The following ADH6 variants were observed in gnomAD, a reference collection of about 807,000 sequenced individuals.
The protein encoded by ADH6 is alcohol dehydrogenase 6 (class V), also known as alcohol dehydrogenase 6.
ADH6 carries 34 observed loss-of-function variants against 36.5 expected under a neutral mutation model. The ratio of observed to expected loss-of-function variants is 0.93; its 90% CI spans 0.71 to 1.24. The LOEUF (loss-of-function observed/expected upper bound fraction) is 1.24. ADH6 is among the 50% of genes most tolerant of loss of function. The pLI is 0.00. For synonymous variants in ADH6, 161 were observed against 155.5 expected (o/e 1.04, Z -0.26); for missense variants, 440 against 447.0 (o/e 0.98, Z 0.14).
chr4:99,218,695 A>C (rs753429117), intron 1 of ADH6, among the ~76,000 whole-genome samples: 23 of 152,292 alleles, frequency 1.5e-4, no homozygotes, highest in Non-Finnish European at 3.4e-4. Context: ...ATCTGCCTGC[A>C]CACACTTCTC....
rs546063132 is a variant in ADH6, at chr4:99,204,036, C to T, written c.*183G>A. The T allele has an allele frequency of 2.3e-5, 15 of 649,242 alleles. No homozygotes were observed. The highest frequency in any genetic ancestry group is 1.1e-4 in the Admixed American group (3 of 26,214). The allele number at this position is 649,242 out of a possible 1,614,324, so 40.2% of individuals were successfully genotyped here. On this transcript the variant is annotated 3_prime_UTR_variant, in exon 9 of 9. Transcript: ENST00000394899. ...GCTGATCCTTGGTGACACTGGGTTA[C>T]GTAAGAACAATTTTGATGAAATGGT...
intron 2 of ADH6, among the ~76,000 whole-genome samples, chr4:99,215,583 G>C (rs1030147269): frequency 6.6e-6 from 1 of 152,186 alleles, no homozygotes; most frequent in Non-Finnish European, 1.5e-5. Context: ...CTGCACTCAA[G>C]CAATCTTCCT....
chr4:99,209,964 G>T, intron 5 of ADH6, 118 bp downstream of exon 5: 1 of 1,000,468 alleles, frequency 1.0e-6, no homozygotes, highest in Non-Finnish European at 1.5e-6. Context: ...ACTCAAGGAT[G>T]TTTGGAGTCA....
chr4:99,212,024 C>T (rs28720149), intron 3 of ADH6, among the ~76,000 whole-genome samples: 2,697 of 152,220 alleles, frequency 0.018, 33 homozygotes, highest in Non-Finnish European at 0.029. Context: ...CAAGCCCACT[C>T]AGATTTCTGA....
At chr4:99,209,622 T>C in intron 5 of ADH6, among the ~76,000 whole-genome samples, 1 of 152,134 alleles carries the variant, frequency 6.6e-6, no homozygotes, top group East Asian at 1.9e-4. Context: ...CATCACTTGG[T>C]TCCTTTACTC....
At position 99,216,243 on chromosome 4, in the gene ADH6, G is replaced by A; in HGVS notation, c.38C>T (p.Ala13Val). The A allele has an allele frequency of 6.3e-7, 1 of 1,575,716 alleles. No individual in the cohort carries two copies. Among genetic ancestry groups the A allele is most frequent in the Non-Finnish European group, 8.6e-7 (1 of 1,161,740 alleles). ...TTGQVIRCKAAILWKPGAPFS... is the reference protein window; with the variant it reads ...TTGQVIRCKAVILWKPGAPFS... The stretch of plus-strand genomic sequence containing the variant: ...TGGTGCACCAGGCTTCCAGAGTATG[G>A]CTGCTTTGCATCTGATGACCTGGGA... The change falls in exon 2 of 9, where the codon GCC becomes GTC. Residue 13 changes from alanine (A) to valine (V), a missense_variant. Ala to Val is a moderately conservative substitution (Grantham distance 64, BLOSUM62 0). Coordinates refer to ENST00000394899, the MANE Select transcript of ADH6 (RefSeq NM_001102470.2).
intron 7 of ADH6, 57 bp downstream of exon 7, chr4:99,207,389 T>C (rs1195288732): frequency 6.2e-7 from 1 of 1,604,460 alleles, no homozygotes; most frequent in Non-Finnish European, 8.5e-7. Flanking sequence ...GGTACATTTT[T>C]CTATTTCCCA....
chr4:99,214,885 T>A (rs1001168042), intron 2 of ADH6, among the ~76,000 whole-genome samples: 4 of 152,208 alleles, frequency 2.6e-5, no homozygotes, highest in African/African-American at 9.6e-5. Context: ...GTCATTCTCT[T>A]TATCTCTTTA....
intron 3 of ADH6, 47 bp downstream of exon 3, chr4:99,213,559 T>G: frequency 6.5e-7 from 1 of 1,529,126 alleles, no homozygotes; most frequent in South Asian, 1.3e-5. Flanking sequence ...TTTCTCGAGT[T>G]GGTTCCAAGT....
chr4:99,219,030 C>T, intron 1 of ADH6, 105 bp downstream of exon 1: 1 of 1,142,792 alleles, frequency 8.8e-7, no homozygotes, highest in Non-Finnish European at 1.3e-6. Flanking sequence ...CAGCCTCTCA[C>T]CTTTAGGAGC....
rs4147545 is a variant in ADH6, at chr4:99,207,596, T to C, written c.829-15A>G. 0.37 allele frequency: 594,748 copies of C among 1,610,410 alleles called. 120,390 individuals are homozygous for C. Among genetic ancestry groups the C allele is most frequent in the East Asian group, 0.89 (39,798 of 44,798 alleles). Reference sequence around the variant, plus strand: ...AGGGCAGCTGCCTGTTAGAAAGTGATGCAATACAGTATAGGGGTTAAAAGA... The same window carrying C: ...AGGGCAGCTGCCTGTTAGAAAGTGACGCAATACAGTATAGGGGTTAAAAGA... On this transcript the variant is annotated splice_polypyrimidine_tract_variant and intron_variant, in intron 6 of 8. Coordinates refer to ENST00000394899, the MANE Select transcript of ADH6 (RefSeq NM_001102470.2).
intron 8 of ADH6, 136 bp from the exon 9 acceptor site, chr4:99,204,379 A>G: frequency 7.0e-7 from 1 of 1,425,596 alleles, no homozygotes. Context: ...AAGATTAAAT[A>G]AGCCATGGGA....
rs1560805458 is a variant in ADH6, at chr4:99,208,878, C to G, written c.618G>C (p.Leu206Phe). ...CAVFGLGGVG[L>F]SVVMGCKAAG... Reference sequence around the variant, plus strand: ...CTGCTTTACAACCCATGACAACAGACAAGCCGACTCCTCCCAGGCCAAACA... The same window carrying G: ...CTGCTTTACAACCCATGACAACAGAGAAGCCGACTCCTCCCAGGCCAAACA... Residue 206 changes from leucine to phenylalanine, a missense_variant, in exon 6 of 9, where the codon TTG (leucine) becomes TTC (phenylalanine). Coordinates refer to ENST00000394899, the MANE Select transcript of ADH6 (RefSeq NM_001102470.2). The G allele has an allele frequency of 4.3e-6, 7 of 1,613,626 alleles. No homozygotes were observed. The highest frequency in any genetic ancestry group is 4.0e-5 in the African/African-American group (3 of 74,856).
Position 99,214,752 on chromosome 4 carries a change from T to C in ADH6, c.121-1005A>G, listed in dbSNP as rs544000927. ...TACTCCTTAGTCAAGAAATGAAATATATTGAAATTTGTGCATGTAAAAGGA... is the reference window on the plus strand; with the variant it reads ...TACTCCTTAGTCAAGAAATGAAATACATTGAAATTTGTGCATGTAAAAGGA... On this transcript the variant is annotated intron_variant, in intron 2 of 8. Coordinates refer to ENST00000394899, the MANE Select transcript of ADH6 (RefSeq NM_001102470.2). Among the ~76,000 whole-genome samples the C allele has an allele frequency of 4.6e-5, 7 of 152,306 alleles. 1 individual carries two copies. The highest frequency in any genetic ancestry group is 1.9e-4 in the East Asian group (1 of 5,182).
At position 99,216,229 on chromosome 4, in the gene ADH6, G is replaced by A; in HGVS notation, c.52C>T (p.Pro18Ser). 3 of 1,585,384 alleles carry A rather than the reference G, an allele frequency of 1.9e-6. No homozygotes were observed. Among genetic ancestry groups the A allele is most frequent in the Non-Finnish European group, 1.7e-6 (2 of 1,166,554 alleles). The change falls in exon 2 of 9, where the codon CCT becomes TCT. Residue 18 changes from proline (P) to serine (S), a missense_variant. Transcript: ENST00000394899. ...IRCKAAILWK[P>S]GAPFSIEEVE... is the part of the protein sequence containing the mutation. ...TCTTCAATAGAAAATGGTGCACCAG[G>A]CTTCCAGAGTATGGCTGCTTTGCAT...
chr4:99,217,861 T>A (rs1174310296), intron 1 of ADH6, among the ~76,000 whole-genome samples: 1 of 152,108 alleles, frequency 6.6e-6, no homozygotes, highest in Non-Finnish European at 1.5e-5. Flanking sequence ...AAATCAGTTT[T>A]GGGGTGGAAG....
chr4:99,219,153 G>A lies in ADH6; in HGVS notation c.-1C>T. ...CACCTACTTGGCCTGTAGTACTCAT[G>A]CTGATTTTCTCCACCGCAGATGAAT... is the stretch of plus-strand genomic sequence containing the variant. On this transcript the variant is annotated 5_prime_UTR_variant, in exon 1 of 9. Transcript: ENST00000394899. 1.2e-6 allele frequency: 2 copies of A among 1,611,042 alleles called. No individual in the cohort carries two copies. Among genetic ancestry groups the A allele is most frequent in the Non-Finnish European group, 1.7e-6 (2 of 1,177,360 alleles).
At chr4:99,210,955 C>T (rs1182015333) in intron 3 of ADH6, among the ~76,000 whole-genome samples, 2 of 152,014 alleles carry the variant, frequency 1.3e-5, no homozygotes, top group Non-Finnish European at 2.9e-5. Flanking sequence ...TGACATCAAC[C>T]CTTTCTTCTT....
At chr4:99,207,364 T>C in intron 7 of ADH6, 82 bp downstream of exon 7, 5 of 1,565,614 alleles carry the variant, frequency 3.2e-6, no homozygotes, top group Non-Finnish European at 2.6e-6. Context: ...TTTATGTCCT[T>C]TCTTAAGCGT....
Sources: allele counts gnomAD v4.1 joint callset (sites outside exome capture counted in the v4.1 genomes callset), GRCh38; gene constraint gnomAD v4.1.1; transcripts MANE v1.5; gene names NCBI Gene and HGNC (gene_info 2026-07-23, HGNC 2026-07-21).